PDCD1LG2: variants seen among roughly 807,000 people sequenced by gnomAD.
The protein encoded by PDCD1LG2 is B7 dendritic cell molecule.
Under a neutral mutation model 28.2 loss-of-function variants are expected in PDCD1LG2, and 32 were observed. The observed-to-expected ratio is 1.13, with a 90% CI of 0.86 to 1.52. PDCD1LG2 has a LOEUF of 1.52. Among genes scored for constraint, PDCD1LG2 ranks in the 40% most tolerant of loss-of-function variants. The probability of loss-of-function intolerance (pLI) is 0.00; values close to 1 mark genes in which losing one functional copy is unlikely to be tolerated. For synonymous variants in PDCD1LG2, 116 were observed against 120.2 expected (o/e 0.97, Z 0.23); for missense variants, 385 against 323.8 (o/e 1.19, Z -1.45).
At chr9:5,559,017 C>T (rs1816503626) in intron 5 of PDCD1LG2, among the ~76,000 whole-genome samples, 1 of 152,232 alleles carries the variant, frequency 6.6e-6, no homozygotes, top group South Asian at 2.1e-4. Flanking sequence ...TTTTACCTCT[C>T]ACACCCATAC....
chr9:5,558,271 A>G (rs1383412584), intron 5 of PDCD1LG2, among the ~76,000 whole-genome samples: 1 of 152,200 alleles, frequency 6.6e-6, no homozygotes, highest in African/African-American at 2.4e-5. Context: ...TTGGTGGTGC[A>G]TTAACGTCTT....
intron 3 of PDCD1LG2, among the ~76,000 whole-genome samples, chr9:5,545,571 C>T (rs1258767142): frequency 2.0e-5 from 3 of 152,152 alleles, no homozygotes; most frequent in Admixed American, 6.5e-5. Context: ...AGAGTGAGTT[C>T]TAAAGGAACA....
chr9:5,557,214 G>A (rs1816459922), intron 4 of PDCD1LG2, among the ~76,000 whole-genome samples: 3 of 151,778 alleles, frequency 2.0e-5, no homozygotes, highest in Non-Finnish European at 4.4e-5. Flanking sequence ...AGGGGGATAG[G>A]GAGGAAAAAG....
At chr9:5,539,260 A>C (rs1473925351) in intron 3 of PDCD1LG2, among the ~76,000 whole-genome samples, 1 of 151,446 alleles carries the variant, frequency 6.6e-6, no homozygotes, top group Non-Finnish European at 1.5e-5. Flanking sequence ...GAATACAAGC[A>C]AAAAAAAAGT....
intron 1 of PDCD1LG2, among the ~76,000 whole-genome samples, chr9:5,511,177 A>G (rs1204767245): frequency 2.6e-5 from 4 of 152,216 alleles, no homozygotes; most frequent in Non-Finnish European, 4.4e-5. Flanking sequence ...GTGATTATCC[A>G]TTTAGCAGAC....
At position 5,563,157 on chromosome 9, in the gene PDCD1LG2, T is replaced by C. The variant is rs538434810; in HGVS notation, c.767-5T>C. On this transcript the variant is annotated splice_polypyrimidine_tract_variant and splice_region_variant and intron_variant, in intron 5 of 6. Coordinates refer to ENST00000397747, the MANE Select transcript of PDCD1LG2 (RefSeq NM_025239.4). ...TATTCCATTTCTGGAATTTTTCCTT[T>C]TCAGACACAACAAAAAGACCTGTCA... The C allele has an allele frequency of 3.7e-6, 6 of 1,609,022 alleles. No individual in the cohort carries two copies. In the African/African-American group the frequency reaches 5.3e-5, roughly 14 times the overall value.
In PDCD1LG2 at chr9:5,557,742, T is replaced by C; in HGVS notation, c.756T>C (p.Tyr252=). ...GAAAACAACTCTGTCAAAAGCTGTA[T>C]TCTTCAAAAGGTAAGTGAGTTTTAT... ...ALRKQLCQKL[Y]SSKDTTKRPV... Residue 252 remains tyrosine, a synonymous_variant, in exon 5 of 7, where the codon TAT becomes TAC. Coordinates refer to ENST00000397747, the MANE Select transcript of PDCD1LG2 (RefSeq NM_025239.4). The C allele has an allele frequency of 6.2e-7, 1 of 1,613,988 alleles. No homozygotes were observed. The highest frequency in any genetic ancestry group is 8.5e-7 in the Non-Finnish European group (1 of 1,179,872).
intron 1 of PDCD1LG2, among the ~76,000 whole-genome samples, chr9:5,513,479 C>G (rs765932445): frequency 1.3e-5 from 2 of 152,190 alleles, no homozygotes; most frequent in Non-Finnish European, 2.9e-5. Flanking sequence ...GGTACAATGT[C>G]TTTAAGGGCA....
intron 6 of PDCD1LG2, among the ~76,000 whole-genome samples, chr9:5,567,681 A>C (rs938323251): frequency 2.0e-5 from 3 of 152,208 alleles, no homozygotes; most frequent in African/African-American, 7.2e-5. Context: ...CATGATTCCC[A>C]GCATAGTGCT....
chr9:5,540,801 C>T (rs928120907), intron 3 of PDCD1LG2, among the ~76,000 whole-genome samples: 5 of 152,040 alleles, frequency 3.3e-5, no homozygotes, highest in Admixed American at 3.3e-4. Context: ...AGAATTGGTA[C>T]CAATTCTATT....
intron 1 of PDCD1LG2, among the ~76,000 whole-genome samples, chr9:5,518,134 G>A (rs943639421): frequency 6.6e-6 from 1 of 152,332 alleles, no homozygotes; most frequent in Non-Finnish European, 1.5e-5. Flanking sequence ...GGAAAACAAG[G>A]CACAAAGACT....
At chr9:5,560,469 C>A (rs112911900) in intron 5 of PDCD1LG2, among the ~76,000 whole-genome samples, 1 of 152,320 alleles carries the variant, frequency 6.6e-6, no homozygotes, top group East Asian at 1.9e-4. Context: ...CCGATCCCCA[C>A]ACAGACCACA....
chr9:5,522,751 A>C, intron 2 of PDCD1LG2, 150 bp downstream of exon 2: 1 of 646,748 alleles, frequency 1.5e-6, no homozygotes, highest in Non-Finnish European at 2.7e-6. Context: ...CAAAAAAAAA[A>C]AGAGTCCCCA....
rs138254251 is a variant in PDCD1LG2 at position 5,549,568 on chromosome 9, G to C, written c.595G>C (p.Val199Leu). 1.9e-5 allele frequency: 30 copies of C among 1,614,108 alleles called. No homozygotes were observed. Among genetic ancestry groups the C allele is most frequent in the East Asian group, 2.2e-5 (1 of 44,904 alleles). Residue 199 changes from valine (V) to leucine (L), a missense_variant, in exon 4 of 7, where the codon GTG becomes CTG. Physicochemically the swap from Val to Leu is conservative, Grantham distance 32. Coordinates refer to ENST00000397747, the MANE Select transcript of PDCD1LG2 (RefSeq NM_025239.4). ...CAGCTGTGTGTTCTGGAATACTCAC[G>C]TGAGGGAACTTACTTTGGCCAGCAT... The part of the protein sequence containing the change: ...NFSCVFWNTH[V>L]RELTLASIDL...
intron 1 of PDCD1LG2, among the ~76,000 whole-genome samples, chr9:5,518,537 C>T (rs1042908491): frequency 1.3e-5 from 2 of 152,208 alleles, no homozygotes; most frequent in Admixed American, 1.3e-4. Flanking sequence ...GATATATATG[C>T]ATCTGAATAA....
chr9:5,522,653 C>G (rs767976471), intron 2 of PDCD1LG2, 52 bp downstream of exon 2: 1 of 1,546,496 alleles, frequency 6.5e-7, no homozygotes, highest in Admixed American at 1.7e-5. Flanking sequence ...GTGGTGGTTC[C>G]TAGCCAAAGC....
At chr9:5,565,734 T>C (rs1025013016) in intron 6 of PDCD1LG2, among the ~76,000 whole-genome samples, 3 of 152,158 alleles carry the variant, frequency 2.0e-5, no homozygotes, top group Admixed American at 6.5e-5. Context: ...ATGTTTCTTA[T>C]AGTTTATTAT....
At chr9:5,553,216 A>T (rs990067120) in intron 4 of PDCD1LG2, among the ~76,000 whole-genome samples, 1 of 152,210 alleles carries the variant, frequency 6.6e-6, no homozygotes, top group Non-Finnish European at 1.5e-5. Context: ...TAAAAAAATG[A>T]ATTAGGCAAG....
chr9:5,537,568 T>C (rs369262136), intron 3 of PDCD1LG2, among the ~76,000 whole-genome samples: 1 of 152,354 alleles, frequency 6.6e-6, no homozygotes, highest in African/African-American at 2.4e-5. Flanking sequence ...GATGAGTTCA[T>C]GTCCTTCGTA....
Sources: gnomAD v4.1 joint callset for allele counts (sites outside exome capture counted in the v4.1 genomes callset) on GRCh38, gnomAD v4.1.1 for gene constraint, MANE v1.5 for transcripts, NCBI Gene and HGNC (gene_info 2026-07-23, HGNC 2026-07-21) for gene names.